Variants in CUBN observed in about 807,000 individuals in gnomAD.
CUBN encodes the protein 460 kDa receptor.
In CUBN, 282 loss-of-function variants were observed where a neutral mutation model predicts 405.3. That is an observed-to-expected ratio of 0.70 (90% CI 0.63 to 0.77). The LOEUF (loss-of-function observed/expected upper bound fraction) is 0.77, where lower values mean the gene tolerates loss of function less well. Among genes scored for constraint, CUBN ranks in the 30% least tolerant of loss-of-function variants. The pLI, the probability that CUBN is intolerant of heterozygous loss-of-function variation, is 0.00. For missense variants in CUBN, 4,514 were observed against 4,475.2 expected (o/e 1.01, Z -0.25); for synonymous variants, 1,684 against 1,617.0 (o/e 1.04, Z -0.99).
intron 19 of CUBN, among the ~76,000 whole-genome samples, chr10:17,071,049 T>G (rs748520356): frequency 3.4e-4 from 51 of 152,208 alleles, no homozygotes; most frequent in Non-Finnish European, 5.6e-4. Context: ...TACTCCTAGT[T>G]TGTTGAGTGT....
intron 13 of CUBN, 108 bp downstream of exon 13, chr10:17,103,017 T>G: frequency 2.6e-6 from 2 of 760,354 alleles, no homozygotes; most frequent in Non-Finnish European, 4.6e-6. Flanking sequence ...ACTCAATATA[T>G]GATAGTTGAA....
chr10:17,100,828 G>A (rs1002481602), intron 13 of CUBN, among the ~76,000 whole-genome samples: 5 of 152,094 alleles, frequency 3.3e-5, no homozygotes, highest in Admixed American at 6.6e-5. Context: ...TATAATTAAA[G>A]GATGAGTAAT....
rs1835736550 is a variant in CUBN at position 17,071,427 on chromosome 10, T to G, written c.2624A>C (p.Glu875Ala). 1 of 1,613,814 alleles carries G rather than the reference T, an allele frequency of 6.2e-7. No individual in the cohort carries two copies. Among genetic ancestry groups the G allele is most frequent in the Non-Finnish European group, 8.5e-7 (1 of 1,179,820 alleles). ...ATTCAAAGATTTTTTCCCTCTTACC[T>G]CAACATAATCTGTTTCACAGTGGGC... is the stretch of plus-strand genomic sequence containing the variant. ...SSAHCETDYVEIGSSSILGSP... is the reference protein window; with the variant it reads ...SSAHCETDYVAIGSSSILGSP... The change falls in exon 19 of 67, where the codon GAG (glutamate) becomes GCG (alanine). Residue 875 changes from glutamate to alanine, a missense_variant and splice_region_variant. By Grantham distance (107) the Glu-to-Ala change is moderately radical (BLOSUM62 -1). This residue lies in a region of CUBN where 1,448 missense variants were observed against 1,388.0 expected (regional missense o/e 1.04). Transcript: ENST00000377833.
At chr10:17,061,065 AAACAACAAAAAC>A (rs1427895578) in intron 22 of CUBN, among the ~76,000 whole-genome samples, 2 of 151,390 alleles carry the variant, frequency 1.3e-5, no homozygotes, top group Non-Finnish European at 1.5e-5. Flanking sequence ...ACAAACCAAC[AAACAACAAAAAC>A]AACAACAAAA....
intron 6 of CUBN, among the ~76,000 whole-genome samples, chr10:17,117,849 G>C (rs1226554073): frequency 6.6e-6 from 1 of 152,120 alleles, no homozygotes. Context: ...CCTGTTAACT[G>C]TTTACCCAGA....
At chr10:17,056,206 T>C (rs951053876) in intron 22 of CUBN, among the ~76,000 whole-genome samples, 5 of 151,988 alleles carry the variant, frequency 3.3e-5, no homozygotes, top group South Asian at 4.2e-4. Context: ...TAAATGGTGC[T>C]TGAACAATTA....
chr10:16,984,027 T>A (rs924934331), intron 30 of CUBN, 78 bp downstream of exon 30: 4 of 1,504,354 alleles, frequency 2.7e-6, no homozygotes, highest in Middle Eastern at 1.7e-4. Context: ...GTAGCCTTCA[T>A]ACGTTTTCCC....
chr10:16,941,946 A>T (rs1842662369), intron 36 of CUBN, among the ~76,000 whole-genome samples: 1 of 152,212 alleles, frequency 6.6e-6, no homozygotes, highest in Non-Finnish European at 1.5e-5. Context: ...TCAAAGTTGA[A>T]ATATAAAAGG....
At position 16,840,372 on chromosome 10, in the gene CUBN, T is replaced by G. The variant is rs1839305562; in HGVS notation, c.9990A>C (p.Gln3330His). Residue 3330 changes from glutamine to histidine, a missense_variant, in exon 62 of 67, where the codon CAA becomes CAC. By Grantham distance (24) the Gln-to-His change is conservative. This residue lies in a region of CUBN where 1,186 missense variants were observed against 1,186.9 expected (regional missense o/e 1.00). Transcript: ENST00000377833. ...ITVWALQLTSQDCTQNYLQLQ... is the reference protein window; with the variant it reads ...ITVWALQLTSHDCTQNYLQLQ... ...GCTGTAAGTAATTCTGCGTGCAGTC[T>G]TGCGAGGTCAGCTGTAATGCCCACA... is the stretch of plus-strand genomic sequence containing the variant. 2.5e-6 allele frequency: 4 copies of G among 1,614,198 alleles called. No homozygotes were observed. In the East Asian group the frequency reaches 8.9e-5, roughly 36 times the overall value.
chr10:17,025,897 C>A (rs866055002), intron 27 of CUBN, among the ~76,000 whole-genome samples: 1 of 151,960 alleles, frequency 6.6e-6, no homozygotes, highest in Non-Finnish European at 1.5e-5. Context: ...GAAGGGATTG[C>A]GGGAGGACAG....
chr10:17,099,968 A>C, intron 14 of CUBN, 37 bp downstream of exon 14: 1 of 1,480,604 alleles, frequency 6.8e-7, no homozygotes, highest in East Asian at 2.3e-5. Flanking sequence ...AATAACCTCA[A>C]AATTTTGCTT....
At chr10:16,873,607 A>G (rs1564397084) in intron 58 of CUBN, among the ~76,000 whole-genome samples, 1 of 151,740 alleles carries the variant, frequency 6.6e-6, no homozygotes, top group Non-Finnish European at 1.5e-5. Context: ...CTGTAATCCC[A>G]GCTACTCAGG....
At chr10:16,984,850 G>A (rs1017265556) in intron 29 of CUBN, among the ~76,000 whole-genome samples, 22 of 152,304 alleles carry the variant, frequency 1.4e-4, no homozygotes, top group Admixed American at 3.3e-4. Flanking sequence ...AATATAACAC[G>A]TATGCTTCTT....
At chr10:16,858,399 C>A (rs1839923482) in intron 59 of CUBN, among the ~76,000 whole-genome samples, 1 of 152,176 alleles carries the variant, frequency 6.6e-6, no homozygotes, top group Non-Finnish European at 1.5e-5. Flanking sequence ...CAGCTCACTG[C>A]AACTTTGAAC....
At chr10:16,935,242 T>C (rs926337846) in intron 39 of CUBN, among the ~76,000 whole-genome samples, 1 of 152,194 alleles carries the variant, frequency 6.6e-6, no homozygotes, top group South Asian at 2.1e-4. Flanking sequence ...ACTGGCAGCA[T>C]GTAGGCTCAA....
intron 45 of CUBN, among the ~76,000 whole-genome samples, chr10:16,917,317 G>C (rs1419813818): frequency 6.6e-6 from 1 of 152,032 alleles, no homozygotes; most frequent in Admixed American, 6.6e-5. Context: ...CCCCCAGTGA[G>C]TGCCTAAAGC....
chr10:17,078,869 G>C (rs1220763577), intron 17 of CUBN, among the ~76,000 whole-genome samples: 2 of 152,106 alleles, frequency 1.3e-5, no homozygotes, highest in Non-Finnish European at 2.9e-5. Context: ...TAATGTTCTT[G>C]ATAATGGTCC....
At chr10:17,126,016 A>G (rs916414424) in intron 4 of CUBN, among the ~76,000 whole-genome samples, 1 of 152,156 alleles carries the variant, frequency 6.6e-6, no homozygotes, top group African/African-American at 2.4e-5. Context: ...TTTTTTTTGT[A>G]TCTGTCCTTC....
intron 17 of CUBN, among the ~76,000 whole-genome samples, chr10:17,072,385 A>AT (rs1407349993): frequency 3.3e-5 from 5 of 152,152 alleles, no homozygotes; most frequent in Non-Finnish European, 7.3e-5. Context: ...AGGAAAAAAA[A>AT]GAAAAGTTGA....
Sources: gnomAD v4.1 joint callset for allele counts (sites outside exome capture counted in the v4.1 genomes callset) on GRCh38, gnomAD v4.1.1 for gene constraint, gnomAD v4.1.1 regional missense constraint, MANE v1.5 for transcripts, NCBI Gene and HGNC (gene_info 2026-07-23, HGNC 2026-07-21) for gene names.